The following ANKS1B variants were observed in gnomAD, a reference collection of about 807,000 sequenced individuals.
The protein encoded by ANKS1B is ankyrin repeat and sterile alpha motif domain containing 1B, also known as ankyrin repeat and sterile alpha motif domain-containing protein 1B.
Under a neutral mutation model 148.3 loss-of-function variants are expected in ANKS1B, and 36 were observed. That is an observed-to-expected ratio of 0.24 (90% CI 0.19 to 0.32). The LOEUF (loss-of-function observed/expected upper bound fraction) is 0.32, where lower values mean the gene tolerates loss of function less well. ANKS1B is among the 10% of genes least tolerant of loss of function. The probability of loss-of-function intolerance (pLI) is 1.00; values close to 1 mark genes in which losing one functional copy is unlikely to be tolerated. For synonymous variants in ANKS1B, 542 were observed against 560.8 expected, an observed-to-expected ratio of 0.97 and a Z score of 0.47; for missense variants, 1,157 against 1,542.6, an observed-to-expected ratio of 0.75 and a Z score of 4.19.
At chr12:99,661,977 G>C (rs2098479692) in intron 8 of ANKS1B, among the ~76,000 whole-genome samples, 1 of 152,112 alleles carries the variant, frequency 6.6e-6, no homozygotes, top group Non-Finnish European at 1.5e-5. Flanking sequence ...AGTATCCTTG[G>C]AACTAGAGGA....
intron 1 of ANKS1B, among the ~76,000 whole-genome samples, chr12:99,913,408 A>G (rs1275149708): frequency 6.6e-6 from 1 of 152,248 alleles, no homozygotes; most frequent in East Asian, 1.9e-4. Flanking sequence ...TTCCTCTGAG[A>G]AAGAGTGATA....
chr12:98,889,340 A>G (rs1304093719), intron 17 of ANKS1B, among the ~76,000 whole-genome samples: 1 of 149,972 alleles, frequency 6.7e-6, no homozygotes, highest in Non-Finnish European at 1.5e-5. Context: ...GGAACGTCAG[A>G]ACCTTTTTTA....
At chr12:99,044,759 A>C (rs2099961229) in intron 17 of ANKS1B, among the ~76,000 whole-genome samples, 1 of 152,166 alleles carries the variant, frequency 6.6e-6, no homozygotes, top group African/African-American at 2.4e-5. Flanking sequence ...TAGGAGGAGA[A>C]GAGAAAGGGA....
intron 12 of ANKS1B, among the ~76,000 whole-genome samples, chr12:99,264,657 C>G (rs1390781676): frequency 5.3e-5 from 8 of 152,096 alleles, no homozygotes; most frequent in Non-Finnish European, 1.2e-4. Context: ...AACGAGCCTT[C>G]TCTTTTGAGG....
chr12:99,812,152 C>T lies in ANKS1B; in HGVS notation c.372+3G>A, dbSNP rs765899251. Reference sequence around the variant, plus strand: ...ATCATGAGCAAACATTTGGCAAGTGCACCTGTTCATTGACCCTGGAATGTG... The same window carrying T: ...ATCATGAGCAAACATTTGGCAAGTGTACCTGTTCATTGACCCTGGAATGTG... On this transcript the variant is annotated splice_donor_region_variant and intron_variant, in intron 3 of 26. Transcript: ENST00000683438. The T allele has an allele frequency of 2.5e-6, 4 of 1,607,884 alleles. No homozygotes were observed. Among genetic ancestry groups the T allele is most frequent in the Non-Finnish European group, 3.4e-6 (4 of 1,176,290 alleles).
chr12:99,667,036 T>G (rs2098511768), intron 8 of ANKS1B, among the ~76,000 whole-genome samples: 4 of 152,096 alleles, frequency 2.6e-5, no homozygotes, highest in Admixed American at 2.6e-4. Flanking sequence ...AACTTCAAAT[T>G]TGTACCAAAT....
chr12:99,278,807 C>A (rs2078021203), intron 12 of ANKS1B, among the ~76,000 whole-genome samples: 1 of 152,094 alleles, frequency 6.6e-6, no homozygotes, highest in Admixed American at 6.5e-5. Flanking sequence ...TACAAGTCAT[C>A]CTGAAAATAT....
chr12:99,534,609 T>G (rs2153100404), intron 9 of ANKS1B, among the ~76,000 whole-genome samples: 1 of 152,308 alleles, frequency 6.6e-6, no homozygotes, highest in Non-Finnish European at 1.5e-5. Flanking sequence ...TAACTACATT[T>G]GCTTTCTCAG....
At chr12:99,596,966 G>C (rs1018441801) in intron 9 of ANKS1B, among the ~76,000 whole-genome samples, 1 of 151,872 alleles carries the variant, frequency 6.6e-6, no homozygotes, top group African/African-American at 2.4e-5. Context: ...GAATTGCTGA[G>C]TCATATGGTA....
chr12:99,914,928 T>G (rs1265351089), intron 1 of ANKS1B, among the ~76,000 whole-genome samples: 1 of 152,084 alleles, frequency 6.6e-6, no homozygotes, highest in Non-Finnish European at 1.5e-5. Context: ...CAGGTCCTAC[T>G]GATAAAAGCT....
chr12:99,111,187 G>T (rs1346252979), intron 15 of ANKS1B, among the ~76,000 whole-genome samples: 1 of 152,134 alleles, frequency 6.6e-6, no homozygotes, highest in East Asian at 1.9e-4. Context: ...ATGGCAGAAT[G>T]CTCCTTCTGC....
intron 22 of ANKS1B, 50 bp from the exon 23 acceptor site, chr12:98,782,187 C>T (rs1566436416): frequency 2.0e-6 from 3 of 1,506,252 alleles, no homozygotes; most frequent in Admixed American, 3.7e-5. Context: ...GGAGAGAAAA[C>T]ATATAAAAGG....
At chr12:99,751,694 A>G (rs2061121850) in intron 8 of ANKS1B, among the ~76,000 whole-genome samples, 1 of 152,112 alleles carries the variant, frequency 6.6e-6, no homozygotes, top group Non-Finnish European at 1.5e-5. Flanking sequence ...AAATATATAG[A>G]TAATGCCCTC....
intron 17 of ANKS1B, among the ~76,000 whole-genome samples, chr12:98,836,326 G>A (rs540159791): frequency 3.3e-5 from 5 of 152,238 alleles, no homozygotes; most frequent in Admixed American, 2.0e-4. Flanking sequence ...GGCTACAAGG[G>A]CAGGTACCTC....
intron 8 of ANKS1B, among the ~76,000 whole-genome samples, chr12:99,753,869 A>G (rs2061336377): frequency 6.6e-6 from 1 of 151,946 alleles, no homozygotes; most frequent in Non-Finnish European, 1.5e-5. Flanking sequence ...TAAAAATACA[A>G]AAAATCAGCC....
chr12:99,791,395 T>C (rs575106629), intron 4 of ANKS1B, among the ~76,000 whole-genome samples: 2 of 152,078 alleles, frequency 1.3e-5, no homozygotes, highest in South Asian at 2.1e-4. Context: ...CAGATAAACA[T>C]TGGTCTTAAT....
Position 98,751,514 on chromosome 12 carries a change from G to C in ANKS1B, c.3588C>G (p.Ala1196=), listed in dbSNP as rs778885837. ...HVFTAFDVNL[A]YEIILTLGQA... ...GTCCCAGGGTTAGGATGATTTCATA[G>C]GCTAAATTCTGCAAGAAAAATGAGA... is the stretch of plus-strand genomic sequence containing the variant. Residue 1196 remains alanine (A), a synonymous_variant, in exon 26 of 27, where the codon GCC becomes GCG. Transcript: ENST00000683438. The surrounding 1 kb of genome is among the most constrained non-coding windows in gnomAD (Gnocchi z 4.3). 1 of 1,613,036 alleles carries C rather than the reference G, an allele frequency of 6.2e-7. No individual in the cohort carries two copies. Among genetic ancestry groups the C allele is most frequent in the Non-Finnish European group, 8.5e-7 (1 of 1,179,624 alleles).
At chr12:99,091,398 A>G (rs2053940460) in intron 15 of ANKS1B, among the ~76,000 whole-genome samples, 1 of 152,184 alleles carries the variant, frequency 6.6e-6, no homozygotes, top group Non-Finnish European at 1.5e-5. Context: ...GATATCATAA[A>G]TTATAAATGT....
In ANKS1B at chr12:99,070,820, T is replaced by C. The variant is rs537995964; in HGVS notation, c.2625+14105A>G. 5.9e-5 allele frequency among the ~76,000 whole-genome samples: 9 copies of C among 152,250 alleles called. No individual in the cohort carries two copies. In the East Asian group the frequency reaches 1.7e-3, roughly 29 times the overall value. On this transcript the variant is annotated intron_variant, in intron 16 of 26. Transcript: ENST00000683438. ...CTAGGAGTATAGGTGTGTACCACCA[T>C]GCCTGGCTAATTTTTTAATTTTTTT...
Sources: gnomAD v4.1 joint callset for allele counts (sites outside exome capture counted in the v4.1 genomes callset) on GRCh38, gnomAD v4.1.1 for gene constraint, Gnocchi (gnomAD v3.1) non-coding constraint, MANE v1.5 for transcripts, NCBI Gene and HGNC (gene_info 2026-07-23, HGNC 2026-07-21) for gene names.